TNKS: variants seen among roughly 807,000 people sequenced by gnomAD.
The protein encoded by TNKS is tankyrase.
Under a neutral mutation model 135.8 loss-of-function variants are expected in TNKS, and 72 were observed. The ratio of observed to expected loss-of-function variants is 0.53; its 90% CI spans 0.44 to 0.64. The LOEUF is 0.64. Among genes scored for constraint, TNKS ranks in the 30% least tolerant of loss-of-function variants. The pLI, the probability that TNKS is intolerant of heterozygous loss-of-function variation, is 0.00. For synonymous variants in TNKS, 849 were observed against 649.3 expected, an observed-to-expected ratio of 1.31 and a Z score of -4.68; for missense variants, 1,769 against 1,674.0, an observed-to-expected ratio of 1.06 and a Z score of -0.99.
chr8:9,666,521 A>T (rs1461105206), intron 3 of TNKS, among the ~76,000 whole-genome samples: 3 of 152,128 alleles, frequency 2.0e-5, no homozygotes, highest in Non-Finnish European at 4.4e-5. Context: ...GGAGTTCGAG[A>T]CCAGCCTGGC....
intron 11 of TNKS, chr8:9,710,427 G>T (rs985766934): frequency 6.7e-6 from 4 of 598,092 alleles, no homozygotes; most frequent in South Asian, 4.3e-5. Context: ...ATCCTTTAAT[G>T]TCACCCTTCT....
In TNKS at chr8:9,768,686, C is replaced by T. The variant is rs1006900553; in HGVS notation, c.3741-1420C>T. Among the ~76,000 whole-genome samples, 7 of 152,208 alleles carry T rather than the reference C, an allele frequency of 4.6e-5. No homozygotes were observed. In the South Asian group the frequency reaches 8.3e-4, roughly 18 times the overall value. ...GAAGACCAGGGCCTGTCAAGTTCAC[C>T]TTTGTGTGACGTAAGAGACTAGCAG... On this transcript the variant is annotated intron_variant, in intron 25 of 26. Coordinates refer to ENST00000310430, the MANE Select transcript of TNKS (RefSeq NM_003747.3).
chr8:9,672,711 C>CACACACACA (rs1399922732), intron 3 of TNKS, among the ~76,000 whole-genome samples: 24 of 85,204 alleles, frequency 2.8e-4, no homozygotes, highest in Non-Finnish European at 5.1e-4. Flanking sequence ...CACACACACA[C>CACACACACA]AAAAAAAAAA....
chr8:9,771,371 G>A (rs1161567287), intron 26 of TNKS, among the ~76,000 whole-genome samples: 1 of 94,372 alleles, frequency 1.1e-5, no homozygotes. Context: ...AGAGAGGAAG[G>A]GAGGGAGGGA....
intron 12 of TNKS, among the ~76,000 whole-genome samples, chr8:9,725,496 C>G (rs76333288): frequency 2.0e-5 from 3 of 152,158 alleles, no homozygotes; most frequent in African/African-American, 7.2e-5. Context: ...AAGCCACTCT[C>G]TCCTGAAATC....
intron 1 of TNKS, among the ~76,000 whole-genome samples, chr8:9,561,411 T>C (rs1012356781): frequency 3.3e-5 from 5 of 152,202 alleles, no homozygotes; most frequent in African/African-American, 9.6e-5. Flanking sequence ...CATTCTGATG[T>C]TTTTTCCACT....
intron 17 of TNKS, 134 bp downstream of exon 17, chr8:9,735,620 G>A: frequency 1.5e-6 from 1 of 660,434 alleles, no homozygotes; most frequent in Non-Finnish European, 2.6e-6. Context: ...CTAACACGGT[G>A]AAACCCCGTC....
chr8:9,656,144 C>T (rs570850742), intron 3 of TNKS, among the ~76,000 whole-genome samples: 9 of 152,060 alleles, frequency 5.9e-5, no homozygotes, highest in South Asian at 2.1e-4. Context: ...AGAGTATCAG[C>T]GATGGAAGCC....
intron 1 of TNKS, among the ~76,000 whole-genome samples, chr8:9,577,986 G>T (rs1798019184): frequency 6.6e-6 from 1 of 152,192 alleles, no homozygotes. Flanking sequence ...GGGCCTGCAG[G>T]CTCCATGGAC....
chr8:9,729,858 C>T (rs780382696), intron 13 of TNKS, among the ~76,000 whole-genome samples: 3 of 148,522 alleles, frequency 2.0e-5, no homozygotes, highest in Non-Finnish European at 4.4e-5. Context: ...ACTGCAACCT[C>T]TGCCTCCTGG....
chr8:9,705,831 T>C (rs1804014800), intron 6 of TNKS, among the ~76,000 whole-genome samples: 1 of 152,224 alleles, frequency 6.6e-6, no homozygotes, highest in Admixed American at 6.5e-5. Context: ...GAAATTACCA[T>C]TAAAGTGAAT....
chr8:9,564,851 T>TA (rs1445219133), intron 1 of TNKS, among the ~76,000 whole-genome samples: 3 of 152,190 alleles, frequency 2.0e-5, no homozygotes, highest in African/African-American at 7.2e-5. Flanking sequence ...CGGGGCTTAA[T>TA]AAAACCAATG....
intron 14 of TNKS, among the ~76,000 whole-genome samples, chr8:9,732,605 G>C (rs1585390444): frequency 6.8e-6 from 1 of 146,464 alleles, no homozygotes; most frequent in South Asian, 2.1e-4. Flanking sequence ...AAATGCACTT[G>C]ATACTTTGCT....
intron 26 of TNKS, among the ~76,000 whole-genome samples, chr8:9,771,373 A>AGG (rs1807845057): frequency 1.2e-5 from 1 of 83,986 alleles, no homozygotes; most frequent in Non-Finnish European, 2.6e-5. Context: ...AGAGGAAGGG[A>AGG]GGGAGGGAAA....
Position 9,658,215 on chromosome 8 carries a change from C to T in TNKS, c.995-21736C>T, listed in dbSNP as rs1315349366. ...CAGACGATGGGCGGCCAGGCAGAGA[C>T]GCTCCTCACTTCCCAGACGGGGTGG... On this transcript the variant is annotated intron_variant, in intron 3 of 26. Coordinates refer to ENST00000310430, the MANE Select transcript of TNKS (RefSeq NM_003747.3). The T allele has an allele frequency of 2.5e-4, 77 of 312,386 alleles. 1 individual carries two copies. The highest frequency in any genetic ancestry group is 1.3e-3 in the African/African-American group (53 of 42,002). The allele number at this position is 312,386 out of a possible 1,614,324, so 19.4% of individuals were successfully genotyped here. A position where few individuals can be genotyped will look rare whatever the true frequency, so the allele number is the denominator to read the frequency against.
chr8:9,634,594 A>C (rs900607362), intron 3 of TNKS, among the ~76,000 whole-genome samples: 2 of 152,168 alleles, frequency 1.3e-5, no homozygotes, highest in African/African-American at 4.8e-5. Context: ...CTTACTGTAG[A>C]AGAAGAAGAT....
chr8:9,556,266 T>C lies in TNKS; in HGVS notation c.327T>C (p.Ser109=), dbSNP rs1585160855. Residue 109 remains serine, a synonymous_variant, in exon 1 of 27, where the codon TCT becomes TCC. Transcript: ENST00000310430. ...VAAAPVVPAV[S]TSSAAGVAPN... is the part of the protein sequence containing the mutation. Reference sequence around the variant, plus strand: ...CCGCTCCCGTGGTCCCAGCGGTTTCTACTTCATCTGCCGCTGGGGTCGCTC... The same window carrying C: ...CCGCTCCCGTGGTCCCAGCGGTTTCCACTTCATCTGCCGCTGGGGTCGCTC... The C allele has an allele frequency of 4.3e-6, 7 of 1,614,274 alleles. No homozygotes were observed. The South Asian group carries it at 5.5e-5, about 13-fold the overall frequency.
chr8:9,655,586 A>G (rs1361910708), intron 3 of TNKS, among the ~76,000 whole-genome samples: 2 of 152,222 alleles, frequency 1.3e-5, no homozygotes, highest in South Asian at 2.1e-4. Context: ...CGGTTCACCA[A>G]TATCCGCTGT....
chr8:9,593,698 C>T (rs1165320014), intron 2 of TNKS, among the ~76,000 whole-genome samples: 2 of 151,922 alleles, frequency 1.3e-5, no homozygotes, highest in Non-Finnish European at 2.9e-5. Context: ...GTTTCATTTC[C>T]TTTTACAAAG....
Sources: gnomAD v4.1 joint callset for allele counts (sites outside exome capture counted in the v4.1 genomes callset) on GRCh38, gnomAD v4.1.1 for gene constraint, MANE v1.5 for transcripts, NCBI Gene and HGNC (gene_info 2026-07-23, HGNC 2026-07-21) for gene names.